Variants in SEZ6L observed in about 807,000 individuals in gnomAD.
SEZ6L encodes the protein seizure 6-like protein.
SEZ6L carries 37 observed loss-of-function variants against 106.2 expected under a neutral mutation model. That is an observed-to-expected ratio of 0.35 (90% CI 0.27 to 0.46). The LOEUF is 0.46. SEZ6L is among the 20% of genes least tolerant of loss of function. The pLI is 1.00. For missense variants in SEZ6L, 1,172 were observed against 1,332.8 expected, an observed-to-expected ratio of 0.88 and a Z score of 1.88; for synonymous variants, 541 against 570.4, an observed-to-expected ratio of 0.95 and a Z score of 0.73.
At position 26,311,748 on chromosome 22, in the gene SEZ6L, CCT is replaced by C; in HGVS notation, c.1682-15_1682-14del. ...AGTCCCTGCATCATCTGAACTGCTG[CCT>C]CTCTTTCCCTTCCTCAGCGTTTGAG... On this transcript the variant is annotated intron_variant, in intron 7 of 16. Coordinates refer to ENST00000248933, the MANE Select transcript of SEZ6L (RefSeq NM_021115.5). The C allele has an allele frequency of 6.2e-7, 1 of 1,608,782 alleles. No homozygotes were observed. Among genetic ancestry groups the C allele is most frequent in the South Asian group, 1.1e-5 (1 of 90,910 alleles).
intron 9 of SEZ6L, among the ~76,000 whole-genome samples, chr22:26,319,522 A>T (rs1376598262): frequency 2.0e-5 from 3 of 152,310 alleles, no homozygotes; most frequent in Non-Finnish European, 2.9e-5. Flanking sequence ...ATTTGACCAT[A>T]TTAGCCTTCT....
In SEZ6L at chr22:26,211,940, T is replaced by C. The variant is rs2078172897; in HGVS notation, c.94+42177T>C. Among the ~76,000 whole-genome samples, 3 of 149,758 alleles carry C rather than the reference T, an allele frequency of 2.0e-5. 1 individual carries two copies. In the South Asian group the frequency reaches 6.3e-4, roughly 31 times the overall value. The stretch of plus-strand genomic sequence containing the variant: ...ATGCCCACCCAAAATAAATCAAATA[T>C]AAATGAGGAGAGGAATATGGGGGCC... On this transcript the variant is annotated intron_variant, in intron 1 of 16. Transcript: ENST00000248933.
At chr22:26,192,358 GA>G (rs1940276655) in intron 1 of SEZ6L, among the ~76,000 whole-genome samples, 1 of 152,102 alleles carries the variant, frequency 6.6e-6, no homozygotes, top group Non-Finnish European at 1.5e-5. Flanking sequence ...TACATTTAAA[GA>G]ATTCTTATTG....
chr22:26,247,301 T>C (rs1399293255), intron 1 of SEZ6L, among the ~76,000 whole-genome samples: 3 of 152,182 alleles, frequency 2.0e-5, no homozygotes, highest in African/African-American at 2.4e-5. Flanking sequence ...AAGTCATTCC[T>C]CCTTTGTACT....
chr22:26,273,156 TTC>T (rs1371434220), intron 1 of SEZ6L, among the ~76,000 whole-genome samples: 1 of 152,224 alleles, frequency 6.6e-6, no homozygotes, highest in Non-Finnish European at 1.5e-5. Flanking sequence ...CTTCCTCCCT[TTC>T]TCTGTGTCAC....
intron 1 of SEZ6L, among the ~76,000 whole-genome samples, chr22:26,216,674 GAAAA>G: frequency 2.0e-5 from 1 of 49,468 alleles, no homozygotes; most frequent in Non-Finnish European, 6.2e-5. Context: ...AAAAGGAAAA[GAAAA>G]AGAAAAAGAA....
intron 1 of SEZ6L, among the ~76,000 whole-genome samples, chr22:26,197,219 T>C (rs1940640820): frequency 2.6e-5 from 4 of 152,196 alleles, no homozygotes; most frequent in African/African-American, 9.7e-5. Flanking sequence ...AGGTCCATGA[T>C]TGTGAGGCAC....
intron 12 of SEZ6L, among the ~76,000 whole-genome samples, chr22:26,354,723 C>T (rs575279623): frequency 2.6e-5 from 4 of 152,268 alleles, no homozygotes; most frequent in South Asian, 2.1e-4. Flanking sequence ...CTCTAAAGAC[C>T]CTCTGAGCTG....
intron 1 of SEZ6L, among the ~76,000 whole-genome samples, chr22:26,171,558 G>A (rs779931239): frequency 6.6e-6 from 1 of 152,192 alleles, no homozygotes; most frequent in Non-Finnish European, 1.5e-5. Context: ...CTAAGACAAG[G>A]ATTTCCTATT....
At chr22:26,215,201 G>A (rs1805393423) in intron 1 of SEZ6L, among the ~76,000 whole-genome samples, 1 of 152,208 alleles carries the variant, frequency 6.6e-6, no homozygotes, top group African/African-American at 2.4e-5. Flanking sequence ...TCATTGTAGA[G>A]TTTATGTTTG....
chr22:26,300,678 GATTGCTGGGTCAAATGGT>G (rs1214586051), intron 5 of SEZ6L, among the ~76,000 whole-genome samples: 1 of 152,230 alleles, frequency 6.6e-6, no homozygotes, highest in African/African-American at 2.4e-5. Flanking sequence ...CCAGTAATGG[GATTGCTGGGTCAAATGGT>G]ATTTCTAGTT....
At chr22:26,247,120 C>T (rs570513252) in intron 1 of SEZ6L, among the ~76,000 whole-genome samples, 187 of 152,270 alleles carry the variant, frequency 1.2e-3, no homozygotes, top group Non-Finnish European at 2.1e-3. Flanking sequence ...AAATGACTGC[C>T]TGGCTGTGTT....
At chr22:26,269,132 G>A (rs564094897) in intron 1 of SEZ6L, among the ~76,000 whole-genome samples, 2 of 152,294 alleles carry the variant, frequency 1.3e-5, no homozygotes, top group South Asian at 2.1e-4. Context: ...ATGGTTGGGG[G>A]ATATTATGGG....
intron 1 of SEZ6L, among the ~76,000 whole-genome samples, chr22:26,186,107 T>G (rs1939762390): frequency 6.6e-6 from 1 of 151,892 alleles, no homozygotes; most frequent in Non-Finnish European, 1.5e-5. Context: ...CTCCCTGACA[T>G]GAATTATTGC....
At chr22:26,276,008 C>T (rs889350398) in intron 1 of SEZ6L, among the ~76,000 whole-genome samples, 3 of 152,200 alleles carry the variant, frequency 2.0e-5, no homozygotes, top group African/African-American at 7.2e-5. Context: ...GTGTGGTCAA[C>T]CAGCCCGGCT....
chr22:26,313,338 C>T (rs756723032), intron 8 of SEZ6L, among the ~76,000 whole-genome samples: 2 of 152,104 alleles, frequency 1.3e-5, no homozygotes, highest in East Asian at 3.8e-4. Context: ...AATTACATAC[C>T]TCCTCCTACA....
At chr22:26,276,821 T>A (rs948902281) in intron 1 of SEZ6L, among the ~76,000 whole-genome samples, 8 of 151,496 alleles carry the variant, frequency 5.3e-5, no homozygotes, top group Non-Finnish European at 1.0e-4. Flanking sequence ...GGAAGAGGAG[T>A]GTTTAAATGC....
At position 26,310,699 on chromosome 22, in the gene SEZ6L, A is replaced by G; in HGVS notation, c.1544A>G (p.Lys515Arg). ...RMTVHSGQTN[K>R]SALLYDSLQT... ...ACGGTTCACAGCGGGCAGACCAACAAGTCAGCTCTTCTCTACGACTCCCTT... is the reference window on the plus strand; with the variant it reads ...ACGGTTCACAGCGGGCAGACCAACAGGTCAGCTCTTCTCTACGACTCCCTT... Residue 515 changes from lysine to arginine, a missense_variant, in exon 7 of 17, where the codon AAG (lysine) becomes AGG (arginine). Physicochemically the swap from Lys to Arg is conservative, Grantham distance 26. Coordinates refer to ENST00000248933, the MANE Select transcript of SEZ6L (RefSeq NM_021115.5). The G allele has an allele frequency of 6.2e-7, 1 of 1,614,042 alleles. No homozygotes were observed. The highest frequency in any genetic ancestry group is 8.5e-7 in the Non-Finnish European group (1 of 1,180,000).
intron 13 of SEZ6L, among the ~76,000 whole-genome samples, chr22:26,372,636 T>C (rs1397757226): frequency 6.6e-6 from 1 of 152,206 alleles, no homozygotes; most frequent in Non-Finnish European, 1.5e-5. Flanking sequence ...AAGTCCTTCA[T>C]GCTGGGGTTT....
Sources: gnomAD v4.1 joint callset for allele counts (sites outside exome capture counted in the v4.1 genomes callset) on GRCh38, gnomAD v4.1.1 for gene constraint, MANE v1.5 for transcripts, NCBI Gene and HGNC (gene_info 2026-07-23, HGNC 2026-07-21) for gene names.